LRRC8C: variants seen among roughly 807,000 people sequenced by gnomAD.
LRRC8C encodes the protein volume-regulated anion channel subunit LRRC8C.
In LRRC8C, 20 loss-of-function variants were observed where a neutral mutation model predicts 55.3. The ratio of observed to expected loss-of-function variants is 0.36; its 90% confidence interval spans 0.25 to 0.53. The LOEUF (loss-of-function observed/expected upper bound fraction) is 0.53, where lower values mean the gene tolerates loss of function less well. Ranked by LOEUF, LRRC8C falls within the 20% of genes least tolerant of loss-of-function variation. The pLI is 0.92. For missense variants in LRRC8C, 659 were observed against 951.4 expected, an observed-to-expected ratio of 0.69 and a Z score of 4.04; for synonymous variants, 376 against 360.7, an observed-to-expected ratio of 1.04 and a Z score of -0.48.
At chr1:89,694,751 C>A (rs1245897900) in intron 2 of LRRC8C, among the ~76,000 whole-genome samples, 2 of 151,624 alleles carry the variant, frequency 1.3e-5, no homozygotes, top group Non-Finnish European at 2.9e-5. Flanking sequence ...CCACACCCAG[C>A]TAATTTTTGT....
chr1:89,634,729 G>C (rs1214111843), intron 1 of LRRC8C, among the ~76,000 whole-genome samples: 1 of 152,216 alleles, frequency 6.6e-6, no homozygotes, highest in Admixed American at 6.5e-5. Flanking sequence ...AATGTGTTGA[G>C]TGTGTAAACA....
At chr1:89,616,236 A>T in the LRRC8C span, among the ~76,000 whole-genome samples, 1 of 152,198 alleles carries the variant, frequency 6.6e-6, no homozygotes, top group African/African-American at 2.4e-5. Context: ...CCCTAGCCTC[A>T]TCAACCCAGT....
chr1:89,638,362 C>T (rs1656352130), intron 1 of LRRC8C, among the ~76,000 whole-genome samples: 1 of 152,006 alleles, frequency 6.6e-6, no homozygotes, highest in South Asian at 2.1e-4. Flanking sequence ...ATTGTAATAA[C>T]ACAGATACAC....
At chr1:89,703,429 T>C (rs1440642126) in intron 2 of LRRC8C, among the ~76,000 whole-genome samples, 1 of 152,040 alleles carries the variant, frequency 6.6e-6, no homozygotes, top group Non-Finnish European at 1.5e-5. Context: ...TTAAGAGTTA[T>C]TAAGGTGTAT....
At chr1:89,692,130 A>C (rs565623851) in intron 2 of LRRC8C, among the ~76,000 whole-genome samples, 1 of 152,350 alleles carries the variant, frequency 6.6e-6, no homozygotes, top group South Asian at 2.1e-4. Context: ...ATAACTTTAT[A>C]AACAAAGGAT....
intron 1 of LRRC8C, among the ~76,000 whole-genome samples, chr1:89,634,176 G>T (rs1025728895): frequency 6.6e-6 from 1 of 152,144 alleles, no homozygotes; most frequent in African/African-American, 2.4e-5. Context: ...CACCTAGCCC[G>T]CATCCTAATG....
chr1:89,637,601 GGGT>G (rs1444263792), intron 1 of LRRC8C, among the ~76,000 whole-genome samples: 1 of 152,076 alleles, frequency 6.6e-6, no homozygotes, highest in African/African-American at 2.4e-5. Flanking sequence ...AGAGACTGTG[GGGT>G]CAAGATGGGC....
At position 89,685,623 on chromosome 1, in the gene LRRC8C, A is replaced by G. The variant is rs981560069; in HGVS notation, c.-4-847A>G. Among the ~76,000 whole-genome samples, 4 of 152,362 alleles carry G rather than the reference A, an allele frequency of 2.6e-5. No homozygotes were observed. In the South Asian group the frequency reaches 8.3e-4, roughly 32 times the overall value. Reference sequence around the variant, plus strand: ...AGTCCTGGGTCACACTAAAGGCAGTAAGAATGAGTAAGAAAGGAGGAGGCA... The same window carrying G: ...AGTCCTGGGTCACACTAAAGGCAGTGAGAATGAGTAAGAAAGGAGGAGGCA... On this transcript the variant is annotated intron_variant, in intron 1 of 2. Transcript: ENST00000370454.
At chr1:89,706,573 C>T (rs1482631520) in intron 2 of LRRC8C, among the ~76,000 whole-genome samples, 2 of 152,028 alleles carry the variant, frequency 1.3e-5, no homozygotes, top group Non-Finnish European at 2.9e-5. Flanking sequence ...TTAAAAGGCC[C>T]GAATTTCACG....
intron 1 of LRRC8C, among the ~76,000 whole-genome samples, chr1:89,653,062 A>C (rs1656834210): frequency 6.6e-6 from 1 of 152,048 alleles, no homozygotes; most frequent in Non-Finnish European, 1.5e-5. Flanking sequence ...TGTCTTGTCC[A>C]CCTCTACTCT....
Position 89,659,077 on chromosome 1 carries a change from G to T in LRRC8C, c.-5+25755G>T, listed in dbSNP as rs1182642566. 3.4e-3 allele frequency among the ~76,000 whole-genome samples: 467 copies of T among 136,362 alleles called. 19 individuals carry two copies. Among genetic ancestry groups the T allele is most frequent in the African/African-American group, 0.012 (421 of 35,416 alleles). 89.5% of individuals were successfully genotyped at this position (136,362 alleles called of 152,430 possible). On this transcript the variant is annotated intron_variant, in intron 1 of 2. Transcript: ENST00000370454. ...TTTTTTTTTTTGTGTGTGTGTGTGT[G>T]TGTGTGTGTGTGTGTGTGTGTGTGT...
chr1:89,708,435 G>A (rs1658548968), intron 2 of LRRC8C: 1 of 151,896 alleles, frequency 6.6e-6, no homozygotes, highest in African/African-American at 2.4e-5. Flanking sequence ...TACATTACTG[G>A]GTAAAGAAAA....
chr1:89,620,865 A>T, the LRRC8C span, among the ~76,000 whole-genome samples: 3 of 152,196 alleles, frequency 2.0e-5, no homozygotes, highest in Non-Finnish European at 2.9e-5. Flanking sequence ...AAAAATATCC[A>T]CCAATCTTCA....
intron 1 of LRRC8C, among the ~76,000 whole-genome samples, chr1:89,642,599 C>CAG (rs912199173): frequency 1.3e-5 from 2 of 152,266 alleles, no homozygotes; most frequent in African/African-American, 4.8e-5. Flanking sequence ...CCTGTAATCC[C>CAG]AGCACTTTGA....
chr1:89,622,080 C>G, the LRRC8C span, among the ~76,000 whole-genome samples: 1 of 152,004 alleles, frequency 6.6e-6, no homozygotes, highest in Non-Finnish European at 1.5e-5. Flanking sequence ...GTTTAGCACT[C>G]TAGGGGGAAA....
chr1:89,674,475 A>G (rs187870518), intron 1 of LRRC8C, among the ~76,000 whole-genome samples: 294 of 152,362 alleles, frequency 1.9e-3, no homozygotes, highest in African/African-American at 6.5e-3. Context: ...ATATAGAGCC[A>G]AACCCAGCAA....
chr1:89,668,613 TA>T (rs1196277309), intron 1 of LRRC8C, among the ~76,000 whole-genome samples: 1 of 152,182 alleles, frequency 6.6e-6, no homozygotes, highest in Non-Finnish European at 1.5e-5. Flanking sequence ...AGGAGATTGT[TA>T]GAGACTAAAA....
chr1:89,629,327 T>G (rs1656047890), upstream of LRRC8C, among the ~76,000 whole-genome samples: 1 of 152,218 alleles, frequency 6.6e-6, no homozygotes, highest in Non-Finnish European at 1.5e-5. Flanking sequence ...GGAGCAGATG[T>G]GCACAGGGTG....
intron 1 of LRRC8C, among the ~76,000 whole-genome samples, chr1:89,662,089 C>T (rs556739079): frequency 6.6e-6 from 1 of 152,260 alleles, no homozygotes; most frequent in African/African-American, 2.4e-5. Context: ...CTGGGACACA[C>T]TTGAAGAAGA....
Sources: gnomAD v4.1 joint callset for allele counts (sites outside exome capture counted in the v4.1 genomes callset) on GRCh38, gnomAD v4.1.1 for gene constraint, MANE v1.5 for transcripts, NCBI Gene and HGNC (gene_info 2026-07-23, HGNC 2026-07-21) for gene names.